The following VTI1A variants were observed in gnomAD, a reference collection of about 807,000 sequenced individuals.
VTI1A encodes vesicle transport through interaction with t-SNAREs homolog 1A.
Under a neutral mutation model 34.9 loss-of-function variants are expected in VTI1A, and 22 were observed. That is an observed-to-expected ratio of 0.63 (90% CI 0.45 to 0.90). VTI1A has a LOEUF of 0.90. VTI1A is among the 40% of genes least tolerant of loss of function. The pLI is 0.00. For missense variants in VTI1A, 268 were observed against 275.6 expected, an observed-to-expected ratio of 0.97 and a Z score of 0.20; for synonymous variants, 87 against 97.3, an observed-to-expected ratio of 0.89 and a Z score of 0.62.
At chr10:112,531,107 G>GACACA (rs1850420037) in intron 4 of VTI1A, among the ~76,000 whole-genome samples, 10 of 74,360 alleles carry the variant, frequency 1.3e-4, no homozygotes, top group Admixed American at 6.2e-4. Flanking sequence ...ACACACACGT[G>GACACA]CGCACGTGCG....
At chr10:112,459,307 TTTC>T (rs1403696933) in intron 1 of VTI1A, among the ~76,000 whole-genome samples, 3 of 152,230 alleles carry the variant, frequency 2.0e-5, no homozygotes, top group African/African-American at 7.2e-5. Context: ...GCACGCTTGC[TTTC>T]TTCTTGGAGC....
rs146944237 is a variant in VTI1A, at chr10:112,509,391, T to A, written c.265-17696T>A. On this transcript the variant is annotated intron_variant, in intron 3 of 7. Transcript: ENST00000393077. ...AGCCAAGAAAACAAATTTAAAGGAG[T>A]GGTAGAAAGTAGCCCCAAAACTCAA... is the stretch of plus-strand genomic sequence containing the variant. Among the ~76,000 whole-genome samples the A allele has an allele frequency of 1.2e-3, 188 of 151,958 alleles. 2 individuals are homozygous for A. Among genetic ancestry groups the A allele is most frequent in the Admixed American group, 8.8e-3 (134 of 15,270 alleles).
intron 7 of VTI1A, among the ~76,000 whole-genome samples, chr10:112,775,932 C>A (rs1485302479): frequency 6.6e-6 from 1 of 152,116 alleles, no homozygotes; most frequent in Non-Finnish European, 1.5e-5. Context: ...ATAAACAGTT[C>A]CTTGTTAATT....
intron 5 of VTI1A, among the ~76,000 whole-genome samples, chr10:112,665,990 T>C (rs150603089): frequency 1.4e-4 from 21 of 152,332 alleles, no homozygotes; most frequent in Middle Eastern, 3.4e-3. Flanking sequence ...GGTGCTCATA[T>C]ATATTAAAAG....
chr10:112,652,486 C>T (rs1005185388), intron 5 of VTI1A, among the ~76,000 whole-genome samples: 2 of 151,902 alleles, frequency 1.3e-5, no homozygotes, highest in African/African-American at 2.4e-5. Context: ...TTTGGGAGGC[C>T]GAGGCAGAAA....
chr10:112,544,049 G>T (rs1250959837), intron 5 of VTI1A, among the ~76,000 whole-genome samples: 2 of 152,034 alleles, frequency 1.3e-5, no homozygotes, highest in African/African-American at 4.8e-5. Flanking sequence ...TCTCTGTTTT[G>T]GTACCAGTAC....
At position 112,816,413 on chromosome 10, in the gene VTI1A, C is replaced by CT. The variant is rs1187287625; in HGVS notation, c.*1033dup. On this transcript the variant is annotated 3_prime_UTR_variant, in exon 8 of 8. Coordinates refer to ENST00000393077, the MANE Select transcript of VTI1A (RefSeq NM_145206.4). ...TTCACGGAAAACGTTCCCTAACCTC[C>CT]TTTAAAAGAATAGAGGATGGCAGAT... is the stretch of plus-strand genomic sequence containing the variant. The CT allele has an allele frequency of 4.4e-6, 1 of 225,080 alleles. No homozygotes were observed. Among genetic ancestry groups the CT allele is most frequent in the Non-Finnish European group, 8.9e-6 (1 of 112,940 alleles). The allele number at this position is 225,080 out of a possible 1,614,324, so 13.9% of individuals were successfully genotyped here. A position where few individuals can be genotyped will look rare whatever the true frequency, so the allele number is the denominator to read the frequency against.
chr10:112,690,018 G>A (rs1372791919), intron 7 of VTI1A, among the ~76,000 whole-genome samples: 1 of 151,926 alleles, frequency 6.6e-6, no homozygotes, highest in Non-Finnish European at 1.5e-5. Context: ...ATTATACAGT[G>A]TGTCATCTTT....
At chr10:112,516,650 A>T (rs1157028087) in intron 3 of VTI1A, among the ~76,000 whole-genome samples, 1 of 152,098 alleles carries the variant, frequency 6.6e-6, no homozygotes, top group African/African-American at 2.4e-5. Flanking sequence ...ATATGTTAAT[A>T]ACAGTTATAA....
chr10:112,811,712 A>AAAAAAAAAAAAAAAAAAAT (rs67154330), intron 7 of VTI1A, among the ~76,000 whole-genome samples: 1 of 84,066 alleles, frequency 1.2e-5, no homozygotes, highest in African/African-American at 4.7e-5. Flanking sequence ...AAAAAAAAAA[A>AAAAAAAAAAAAAAAAAAAT]GAGTGCAGTC....
chr10:112,839,843 C>A, the VTI1A span, among the ~76,000 whole-genome samples: 1 of 152,172 alleles, frequency 6.6e-6, no homozygotes, highest in Admixed American at 6.5e-5. Context: ...CTCCATGGGG[C>A]AGGGGTGGCA....
intron 7 of VTI1A, among the ~76,000 whole-genome samples, chr10:112,713,513 C>A (rs1849502577): frequency 6.6e-6 from 1 of 152,094 alleles, no homozygotes; most frequent in Non-Finnish European, 1.5e-5. Flanking sequence ...TAGAAAAGTT[C>A]AGTAACTTGC....
chr10:112,774,405 C>A (rs1304079446), intron 7 of VTI1A, among the ~76,000 whole-genome samples: 4 of 152,142 alleles, frequency 2.6e-5, no homozygotes, highest in Non-Finnish European at 4.4e-5. Flanking sequence ...AGGGGCCACC[C>A]CAGGATGACT....
intron 5 of VTI1A, among the ~76,000 whole-genome samples, chr10:112,540,306 A>G (rs1435074322): frequency 2.0e-5 from 3 of 152,226 alleles, no homozygotes; most frequent in African/African-American, 7.2e-5. Context: ...CATAACCAAC[A>G]TGGAAATGTC....
chr10:112,698,959 G>A (rs562676617), intron 7 of VTI1A, among the ~76,000 whole-genome samples: 212 of 152,208 alleles, frequency 1.4e-3, no homozygotes, highest in African/African-American at 4.7e-3. Flanking sequence ...GTGGTCCTCC[G>A]TAGCTACCAC....
intron 7 of VTI1A, among the ~76,000 whole-genome samples, chr10:112,699,697 G>A (rs1477976465): frequency 6.6e-6 from 1 of 151,792 alleles, no homozygotes; most frequent in Non-Finnish European, 1.5e-5. Flanking sequence ...TGGGTGTGGT[G>A]GCACATGCCT....
intron 5 of VTI1A, among the ~76,000 whole-genome samples, chr10:112,618,524 T>TATATATATAG (rs748276058): frequency 2.0e-4 from 7 of 34,584 alleles, no homozygotes; most frequent in Admixed American, 2.0e-3. Context: ...TATATATATA[T>TATATATATAG]AGAGAGAGAG....
intron 5 of VTI1A, among the ~76,000 whole-genome samples, chr10:112,662,949 A>G (rs1272922097): frequency 6.6e-6 from 1 of 150,848 alleles, no homozygotes; most frequent in Non-Finnish European, 1.5e-5. Context: ...ACAAACAAAC[A>G]AAACATATTG....
intron 3 of VTI1A, among the ~76,000 whole-genome samples, chr10:112,517,914 C>G (rs1328345466): frequency 6.6e-6 from 1 of 151,718 alleles, no homozygotes; most frequent in Non-Finnish European, 1.5e-5. Flanking sequence ...TAGGTAAAAG[C>G]TAAGGAAATC....
Sources: allele counts gnomAD v4.1 joint callset (sites outside exome capture counted in the v4.1 genomes callset), GRCh38; gene constraint gnomAD v4.1.1; transcripts MANE v1.5; gene names NCBI Gene and HGNC (gene_info 2026-07-23, HGNC 2026-07-21).